DOCK4: variants seen among roughly 807,000 people sequenced by gnomAD.
The protein encoded by DOCK4 is dedicator of cytokinesis protein 4.
DOCK4 carries 97 observed loss-of-function variants against 268.1 expected under a neutral mutation model. That is an observed-to-expected ratio of 0.36 (90% CI 0.31 to 0.43). DOCK4 has a LOEUF of 0.43. Ranked by LOEUF, DOCK4 falls within the 20% of genes least tolerant of loss-of-function variation. DOCK4 has a pLI of 1.00. For synonymous variants in DOCK4, 954 were observed against 887.2 expected (o/e 1.08, Z -1.34); for missense variants, 2,145 against 2,455.7 (o/e 0.87, Z 2.67).
chr7:112,064,652 A>G (rs1300717030), intron 1 of DOCK4, among the ~76,000 whole-genome samples: 1 of 151,186 alleles, frequency 6.6e-6, no homozygotes, highest in Non-Finnish European at 1.5e-5. Context: ...CAACTACAAG[A>G]CAGCAGCTAT....
At chr7:111,941,659 A>G (rs188846174) in intron 10 of DOCK4, among the ~76,000 whole-genome samples, 185 of 152,236 alleles carry the variant, frequency 1.2e-3, no homozygotes, top group Non-Finnish European at 2.0e-3. Context: ...AAAAAACTAG[A>G]AACTGCAAAC....
At chr7:111,797,412 T>A (rs1799977671) in intron 30 of DOCK4, among the ~76,000 whole-genome samples, 1 of 152,204 alleles carries the variant, frequency 6.6e-6, no homozygotes, top group African/African-American at 2.4e-5. Flanking sequence ...ATATAGAAGT[T>A]TTCCAAAATT....
chr7:112,018,342 G>C (rs1802037580), intron 1 of DOCK4, among the ~76,000 whole-genome samples: 1 of 151,872 alleles, frequency 6.6e-6, no homozygotes, highest in Non-Finnish European at 1.5e-5. Context: ...GTTTATCATA[G>C]AGATTTTAAT....
At chr7:111,942,170 A>G (rs1395032474) in intron 10 of DOCK4, among the ~76,000 whole-genome samples, 1 of 152,154 alleles carries the variant, frequency 6.6e-6, no homozygotes, top group Non-Finnish European at 1.5e-5. Context: ...CAATCAACCA[A>G]AAGTCAAAAG....
chr7:112,018,154 A>AAAAAAAAC (rs1801992047), intron 1 of DOCK4, among the ~76,000 whole-genome samples: 1 of 131,516 alleles, frequency 7.6e-6, no homozygotes, highest in South Asian at 2.7e-4. Flanking sequence ...AAAAAAAAAA[A>AAAAAAAAC]AAAAAAAAAA....
At chr7:111,739,839 G>T (rs549933867) in intron 47 of DOCK4, 27 of 341,466 alleles carry the variant, frequency 7.9e-5, no homozygotes, top group South Asian at 5.6e-4. Context: ...ATCTGTACAA[G>T]TATGTTCAAA....
At chr7:112,106,498 T>G (rs1811157616) in intron 1 of DOCK4, among the ~76,000 whole-genome samples, 1 of 151,304 alleles carries the variant, frequency 6.6e-6, no homozygotes, top group Non-Finnish European at 1.5e-5. Context: ...AGACATGTAT[T>G]TGATAGAGCA....
intron 37 of DOCK4, 76 bp downstream of exon 37, chr7:111,769,453 A>C: frequency 1.9e-6 from 3 of 1,560,302 alleles, no homozygotes; most frequent in Non-Finnish European, 2.6e-6. Flanking sequence ...GGGCATTCAT[A>C]AACTAGAAAT....
intron 1 of DOCK4, among the ~76,000 whole-genome samples, chr7:112,041,217 T>C (rs1301410532): frequency 6.6e-6 from 1 of 152,182 alleles, no homozygotes; most frequent in Non-Finnish European, 1.5e-5. Context: ...ATAATTCTTT[T>C]CAGAAGAGGT....
At chr7:111,912,726 AATAG>A (rs1792218406) in intron 13 of DOCK4, among the ~76,000 whole-genome samples, 1 of 152,128 alleles carries the variant, frequency 6.6e-6, no homozygotes. Flanking sequence ...CACACAAAGA[AATAG>A]ATAGGTATAG....
At chr7:111,914,010 TC>T (rs927233352) in intron 13 of DOCK4, among the ~76,000 whole-genome samples, 1 of 152,162 alleles carries the variant, frequency 6.6e-6, no homozygotes, top group African/African-American at 2.4e-5. Context: ...GAACAAAGAC[TC>T]GGGGGATGTG....
chr7:112,133,965 G>C (rs1217604977), intron 1 of DOCK4, among the ~76,000 whole-genome samples: 2 of 152,106 alleles, frequency 1.3e-5, no homozygotes, highest in East Asian at 3.9e-4. Context: ...AAATAGAATG[G>C]AAAACAAAAT....
At chr7:111,930,615 G>A (rs904807616) in intron 12 of DOCK4, among the ~76,000 whole-genome samples, 3 of 152,146 alleles carry the variant, frequency 2.0e-5, no homozygotes, top group Non-Finnish European at 4.4e-5. Context: ...ACAATTCTGT[G>A]GTCCAGAGAG....
intron 23 of DOCK4, 158 bp downstream of exon 23, chr7:111,863,211 TTTG>T: frequency 1.4e-6 from 1 of 696,094 alleles, no homozygotes. Flanking sequence ...TTGCCATACT[TTTG>T]TATTTGACTA....
intron 8 of DOCK4, among the ~76,000 whole-genome samples, chr7:111,955,900 T>C (rs895864204): frequency 6.6e-6 from 1 of 152,148 alleles, no homozygotes. Context: ...AGTAAAATCC[T>C]TAGAAAAAGG....
intron 1 of DOCK4, among the ~76,000 whole-genome samples, chr7:112,180,828 A>G (rs1818963010): frequency 6.6e-6 from 1 of 152,194 alleles, no homozygotes. Flanking sequence ...TAGACTCCCA[A>G]TTCATAACTG....
chr7:112,069,267 C>A (rs1211066623), intron 1 of DOCK4, among the ~76,000 whole-genome samples: 1 of 152,212 alleles, frequency 6.6e-6, no homozygotes, highest in Non-Finnish European at 1.5e-5. Flanking sequence ...ATTGTTGGCA[C>A]TGCAGGCTAA....
At chr7:111,943,459 C>G (rs557656016) in intron 10 of DOCK4, among the ~76,000 whole-genome samples, 4 of 152,144 alleles carry the variant, frequency 2.6e-5, no homozygotes, top group Non-Finnish European at 5.9e-5. Context: ...TTACTGCTGT[C>G]AGAGATTATA....
At chr7:112,024,221 C>G (rs1272389135) in intron 1 of DOCK4, among the ~76,000 whole-genome samples, 1 of 152,234 alleles carries the variant, frequency 6.6e-6, no homozygotes, top group African/African-American at 2.4e-5. Flanking sequence ...ATTCAAGCAT[C>G]ACACGGGGCC....
Sources: allele counts gnomAD v4.1 joint callset (sites outside exome capture counted in the v4.1 genomes callset), GRCh38; gene constraint gnomAD v4.1.1; transcripts MANE v1.5; gene names NCBI Gene and HGNC (gene_info 2026-07-23, HGNC 2026-07-21).